Variants in ZNRF3 observed in about 807,000 individuals in gnomAD.
ZNRF3 encodes zinc and ring finger 3.
Under a neutral mutation model 72.5 loss-of-function variants are expected in ZNRF3, and 23 were observed. The ratio of observed to expected loss-of-function variants is 0.32; its 90% CI spans 0.23 to 0.45. ZNRF3 has a LOEUF of 0.45. Among genes scored for constraint, ZNRF3 ranks in the 20% least tolerant of loss-of-function variants. The pLI is 1.00. For missense variants in ZNRF3, 1,169 were observed against 1,272.1 expected (o/e 0.92, Z 1.23); for synonymous variants, 610 against 545.3 (o/e 1.12, Z -1.65).
intron 1 of ZNRF3, among the ~76,000 whole-genome samples, chr22:28,972,358 C>T (rs1030379279): frequency 4.6e-5 from 7 of 152,220 alleles, no homozygotes; most frequent in Non-Finnish European, 7.3e-5. Flanking sequence ...GTAATAGACT[C>T]ATATAAGATG....
chr22:29,035,021 T>A (rs1036775497), intron 2 of ZNRF3, among the ~76,000 whole-genome samples: 7 of 141,748 alleles, frequency 4.9e-5, no homozygotes, highest in Admixed American at 2.8e-4. Context: ...TTTTTTTTTT[T>A]AATAGACACA....
At chr22:28,898,481 T>C (rs1314792030) in intron 1 of ZNRF3, among the ~76,000 whole-genome samples, 6 of 152,234 alleles carry the variant, frequency 3.9e-5, no homozygotes, top group Non-Finnish European at 7.3e-5. Context: ...GTTCAGAACA[T>C]GCTGGAGAAG....
rs1190836458 is a variant in ZNRF3 at position 29,048,953 on chromosome 22, G to A, written c.1016-244G>A. ...ATTCTTTTCTGCAGACTTCTGTGGT[G>A]CCCTGTCAGGCAGAGCAGTGGGGAG... is the stretch of plus-strand genomic sequence containing the variant. On this transcript the variant is annotated intron_variant, in intron 7 of 8. Transcript: ENST00000544604. This position sits in a 1 kb window ranked among gnomAD's most constrained non-coding sequence, Gnocchi z 4.9. Among the ~76,000 whole-genome samples, 1 of 152,152 alleles carries A rather than the reference G, an allele frequency of 6.6e-6. No individual in the cohort carries two copies. Among genetic ancestry groups the A allele is most frequent in the African/African-American group, 2.4e-5 (1 of 41,436 alleles).
intron 2 of ZNRF3, among the ~76,000 whole-genome samples, chr22:28,996,225 C>T (rs1460682855): frequency 6.6e-6 from 1 of 152,216 alleles, no homozygotes; most frequent in African/African-American, 2.4e-5. Context: ...AGGCATCAGC[C>T]ACTGTTCCCA....
chr22:29,034,407 G>A (rs563940972), intron 2 of ZNRF3, among the ~76,000 whole-genome samples: 33 of 152,282 alleles, frequency 2.2e-4, no homozygotes, highest in African/African-American at 7.9e-4. Flanking sequence ...TTAAAGTGAT[G>A]GGGAGTGGGT....
At chr22:29,045,759 G>A (rs2037057702) in intron 5 of ZNRF3, among the ~76,000 whole-genome samples, 1 of 152,236 alleles carries the variant, frequency 6.6e-6, no homozygotes, top group African/African-American at 2.4e-5. Context: ...TTACAGGCGT[G>A]AGCCACCACG....
At chr22:28,910,385 A>G (rs148861679) in intron 1 of ZNRF3, among the ~76,000 whole-genome samples, 2 of 152,250 alleles carry the variant, frequency 1.3e-5, no homozygotes, top group African/African-American at 4.8e-5. Context: ...AAAAAAAGCA[A>G]AGTAACTTAG....
rs79585466 is a variant in ZNRF3 at position 28,894,385 on chromosome 22, G to A, written c.300+10319G>A. The stretch of plus-strand genomic sequence containing the variant: ...CATAAGGATCTGAATTATGACTAAT[G>A]TCTGCACTGAAGGGAAGGTACCTGG... On this transcript the variant is annotated intron_variant, in intron 1 of 8. Coordinates refer to ENST00000544604, the MANE Select transcript of ZNRF3 (RefSeq NM_001206998.2). Among the ~76,000 whole-genome samples, 1,154 of 135,372 alleles carry A rather than the reference G, an allele frequency of 8.5e-3. 11 individuals carry two copies. The highest frequency in any genetic ancestry group is 0.027 in the African/African-American group (953 of 35,474). The allele number at this position is 135,372 out of a possible 152,430, so 88.8% of individuals were successfully genotyped here. A position where few individuals can be genotyped will look rare whatever the true frequency, so the allele number is the denominator to read the frequency against.
intron 1 of ZNRF3, among the ~76,000 whole-genome samples, chr22:28,897,001 T>C (rs1166366934): frequency 6.6e-6 from 1 of 152,232 alleles, no homozygotes; most frequent in Non-Finnish European, 1.5e-5. Flanking sequence ...ACTCTTGGGC[T>C]CAAGCGATCC....
At chr22:28,890,368 C>T (rs946029682) in intron 1 of ZNRF3, among the ~76,000 whole-genome samples, 8 of 152,056 alleles carry the variant, frequency 5.3e-5, no homozygotes, top group Admixed American at 1.3e-4. Flanking sequence ...GGCGTGGTGG[C>T]GGGGGCCTGT....
chr22:28,996,090 G>A (rs1227743161), intron 2 of ZNRF3, among the ~76,000 whole-genome samples: 2 of 151,912 alleles, frequency 1.3e-5, no homozygotes, highest in East Asian at 1.9e-4. Context: ...CTGTTTTCAT[G>A]TAATATTATT....
chr22:28,980,937 A>G (rs925752365), intron 1 of ZNRF3, among the ~76,000 whole-genome samples: 8 of 152,242 alleles, frequency 5.3e-5, no homozygotes, highest in African/African-American at 1.9e-4. Flanking sequence ...TAATAAGGCA[A>G]AAACATAAAT....
chr22:28,911,520 C>A (rs1187915303), intron 1 of ZNRF3, among the ~76,000 whole-genome samples: 1 of 152,204 alleles, frequency 6.6e-6, no homozygotes, highest in Non-Finnish European at 1.5e-5. Context: ...GTTCTAGTGA[C>A]AACCTTGAAT....
chr22:28,956,689 A>G (rs1241255096), intron 1 of ZNRF3, among the ~76,000 whole-genome samples: 1 of 151,846 alleles, frequency 6.6e-6, no homozygotes, highest in Non-Finnish European at 1.5e-5. Context: ...GACTTCCTCT[A>G]CTCCTGCTTT....
intron 2 of ZNRF3, among the ~76,000 whole-genome samples, chr22:29,014,749 G>A (rs1440846837): frequency 6.6e-6 from 1 of 152,236 alleles, no homozygotes; most frequent in African/African-American, 2.4e-5. Context: ...GTCAGTAGAG[G>A]AGACACAGAG....
intron 2 of ZNRF3, among the ~76,000 whole-genome samples, chr22:29,007,754 T>C (rs868177631): frequency 0.13 from 16,784 of 125,400 alleles, 1,932 homozygotes; most frequent in African/African-American, 0.31. Context: ...ATTTCTTCCT[T>C]TTTTTTTTTT....
intron 2 of ZNRF3, among the ~76,000 whole-genome samples, chr22:29,005,811 G>A (rs192665775): frequency 3.3e-5 from 5 of 152,212 alleles, no homozygotes; most frequent in East Asian, 3.9e-4. Flanking sequence ...CGAGGTGGGC[G>A]GATCACCTGA....
chr22:28,976,343 G>T (rs1301566119), intron 1 of ZNRF3, among the ~76,000 whole-genome samples: 2 of 152,114 alleles, frequency 1.3e-5, no homozygotes, highest in Admixed American at 1.3e-4. Flanking sequence ...ACAACATAGT[G>T]AGACCCTGTC....
In ZNRF3 at chr22:29,000,877, C is replaced by T. The variant is rs187950090; in HGVS notation, c.426+13676C>T. Among the ~76,000 whole-genome samples the T allele has an allele frequency of 9.9e-5, 15 of 152,180 alleles. No individual in the cohort carries two copies. In the East Asian group the frequency reaches 2.7e-3, roughly 27 times the overall value. ...AACCATGGCTTACTGCAGCTTCAAC[C>T]TCCCGGGATCAGGCGATCCTCCCAC... On this transcript the variant is annotated intron_variant, in intron 2 of 8. Transcript: ENST00000544604.
Sources: allele counts gnomAD v4.1 joint callset (sites outside exome capture counted in the v4.1 genomes callset), GRCh38; gene constraint gnomAD v4.1.1; non-coding constraint Gnocchi (gnomAD v3.1); transcripts MANE v1.5; gene names NCBI Gene and HGNC (gene_info 2026-07-23, HGNC 2026-07-21).